Variants in SYNE1 observed in about 807,000 individuals in gnomAD.
The protein encoded by SYNE1 is nesprin-1.
Under a neutral mutation model 1,111.0 loss-of-function variants are expected in SYNE1, and 616 were observed. The ratio of observed to expected loss-of-function variants is 0.55; its 90% CI spans 0.52 to 0.59. SYNE1 has a LOEUF of 0.59. SYNE1 is among the 20% of genes least tolerant of loss of function. The probability of loss-of-function intolerance (pLI) is 0.00; values close to 1 mark genes in which losing one functional copy is unlikely to be tolerated. For missense variants in SYNE1, 10,006 were observed against 10,417.0 expected, an observed-to-expected ratio of 0.96 and a Z score of 1.72; for synonymous variants, 3,855 against 3,825.8, an observed-to-expected ratio of 1.01 and a Z score of -0.28.
At chr6:152,244,884 G>T (rs934108405) in intron 105 of SYNE1, among the ~76,000 whole-genome samples, 5 of 152,152 alleles carry the variant, frequency 3.3e-5, no homozygotes. Context: ...AGATAATGAG[G>T]CAGGAGAAAG....
chr6:152,197,658 C>T (rs2074446106), intron 127 of SYNE1, among the ~76,000 whole-genome samples: 1 of 152,030 alleles, frequency 6.6e-6, no homozygotes, highest in African/African-American at 2.4e-5. Flanking sequence ...TGAAAGAAAG[C>T]CTTTTTTTTC....
At position 152,417,496 on chromosome 6, in the gene SYNE1, TCAAACAAACAAA is replaced by T. The variant is rs541192012; in HGVS notation, c.5422-493_5422-482del. On this transcript the variant is annotated intron_variant, in intron 40 of 145. Coordinates refer to ENST00000367255, the MANE Select transcript of SYNE1 (RefSeq NM_182961.4). The stretch of plus-strand genomic sequence containing the variant: ...CTGGGAAACAGTGTAAAACTCCGTC[TCAAACAAACAAA>T]CAAACAAACAAACAAACACAACTCT... 1.7e-4 allele frequency among the ~76,000 whole-genome samples: 22 copies of T among 131,258 alleles called. No individual in the cohort carries two copies. In the Middle Eastern group the frequency reaches 0.011, roughly 66 times the overall value. The allele number at this position is 131,258 out of a possible 152,430, so 86.1% of individuals were successfully genotyped here.
intron 93 of SYNE1, among the ~76,000 whole-genome samples, chr6:152,299,844 C>A (rs1448258202): frequency 6.6e-6 from 1 of 152,036 alleles, no homozygotes; most frequent in Admixed American, 6.6e-5. Context: ...TACATATCAA[C>A]TTCTTTGAAA....
intron 14 of SYNE1, among the ~76,000 whole-genome samples, chr6:152,476,300 C>T (rs1483556494): frequency 6.6e-6 from 1 of 152,192 alleles, no homozygotes; most frequent in Non-Finnish European, 1.5e-5. Flanking sequence ...GTCTCCTATT[C>T]TTAATTGATA....
In SYNE1 at chr6:152,254,889, T is replaced by C. The variant is rs1231096189; in HGVS notation, c.19461A>G (p.Leu6487=). The C allele has an allele frequency of 5.0e-6, 8 of 1,613,532 alleles. No individual in the cohort carries two copies. The highest frequency in any genetic ancestry group is 6.8e-6 in the Non-Finnish European group (8 of 1,179,740). ...HQMKERLQQI[L]NFQNDLKVLF... ...ATAATATCTTACTTACCTGGAAATT[T>C]AGTATTTGCTGAAGTCTTTCTTTCA... The change falls in exon 104 of 146, where the codon CTA becomes CTG. Residue 6487 remains leucine (L), a synonymous_variant. Transcript: ENST00000367255.
chr6:152,407,254 C>T (rs2097914710), intron 44 of SYNE1, 58 bp from the exon 45 acceptor site: 1 of 1,527,888 alleles, frequency 6.5e-7, no homozygotes, highest in South Asian at 1.1e-5. Flanking sequence ...TGATCATCCC[C>T]CAACCAAAGT....
intron 3 of SYNE1, among the ~76,000 whole-genome samples, chr6:152,541,190 C>T (rs920224230): frequency 2.0e-5 from 3 of 152,248 alleles, no homozygotes; most frequent in African/African-American, 4.8e-5. Context: ...ACAGGAACAG[C>T]GTTGAATCTG....
At chr6:152,365,117 A>G (rs2097045563) in intron 62 of SYNE1, 98 bp from the exon 63 acceptor site, 1 of 1,491,402 alleles carries the variant, frequency 6.7e-7, no homozygotes, top group Non-Finnish European at 9.2e-7. Flanking sequence ...ATAATATGCA[A>G]TTGTGCCCAG....
chr6:152,453,529 G>T, intron 25 of SYNE1, 57 bp downstream of exon 25: 1 of 1,612,882 alleles, frequency 6.2e-7, no homozygotes. Flanking sequence ...ACCTTAACAC[G>T]CTCAAGCTTC....
Position 152,442,174 on chromosome 6 carries a change from T to A in SYNE1, c.3909A>T (p.Glu1303Asp), listed in dbSNP as rs759706426. 1 of 1,613,788 alleles carries A rather than the reference T, an allele frequency of 6.2e-7. No homozygotes were observed. Among genetic ancestry groups the A allele is most frequent in the Non-Finnish European group, 8.5e-7 (1 of 1,180,040 alleles). The change falls in exon 31 of 146, where the codon GAA (glutamate) becomes GAT (aspartate). Residue 1303 changes from glutamate to aspartate, a missense_variant. This residue lies in a region of SYNE1 where 1,971 missense variants were observed against 2,084.1 expected (regional missense o/e 0.95). Coordinates refer to ENST00000367255, the MANE Select transcript of SYNE1 (RefSeq NM_182961.4). ...CGTGGCCTCGGTCAGGCAGCCCCCC[T>A]TCTCCCTGCTGCGCCTGCGCGATCT... ...QQQIAQAQQG[E>D]GGLPDRGHEE...
At chr6:152,141,733 C>T (rs1189614143) in intron 138 of SYNE1, among the ~76,000 whole-genome samples, 6 of 151,528 alleles carry the variant, frequency 4.0e-5, no homozygotes, top group East Asian at 1.9e-4. Context: ...CCAGCCTATG[C>T]GACAGAGTGA....
intron 3 of SYNE1, among the ~76,000 whole-genome samples, chr6:152,560,443 G>GA (rs1564852418): frequency 1.3e-5 from 2 of 152,032 alleles, no homozygotes; most frequent in East Asian, 1.9e-4. Flanking sequence ...GAAGTAGTAA[G>GA]AAAAAATCTT....
intron 61 of SYNE1, chr6:152,368,664 A>C: frequency 3.2e-6 from 1 of 314,184 alleles, no homozygotes; most frequent in Non-Finnish European, 6.0e-6. Context: ...AGTCTTCCAA[A>C]TCAAAGCCCT....
intron 14 of SYNE1, 33 bp downstream of exon 14, chr6:152,483,052 T>TA: frequency 1.2e-6 from 2 of 1,613,976 alleles, no homozygotes; most frequent in Non-Finnish European, 8.5e-7. Context: ...GTAGGGCTGT[T>TA]ATGCTGCAAG....
Position 152,507,681 on chromosome 6 carries a change from A to T in SYNE1, c.582-2284T>A, listed in dbSNP as rs575323657. Reference sequence around the variant, plus strand: ...TGTATTTACTTCAAGCTGCTTTTAAATAACTACATATATGCATATATTTAT... The same window carrying T: ...TGTATTTACTTCAAGCTGCTTTTAATTAACTACATATATGCATATATTTAT... On this transcript the variant is annotated intron_variant, in intron 8 of 145. Transcript: ENST00000367255. Among the ~76,000 whole-genome samples, 12 of 152,312 alleles carry T rather than the reference A, an allele frequency of 7.9e-5. No homozygotes were observed. In the South Asian group the frequency reaches 2.5e-3, roughly 32 times the overall value.
chr6:152,544,543 TA>T (rs79123703), intron 3 of SYNE1, among the ~76,000 whole-genome samples: 483 of 137,586 alleles, frequency 3.5e-3, no homozygotes, highest in African/African-American at 5.7e-3. Context: ...AGAAATGAGT[TA>T]AAAAAAAAAA....
At chr6:152,351,783 C>A (rs1390011894) in intron 70 of SYNE1, among the ~76,000 whole-genome samples, 1 of 152,116 alleles carries the variant, frequency 6.6e-6, no homozygotes, top group Non-Finnish European at 1.5e-5. Flanking sequence ...CAGATACGTA[C>A]AATCAATAAA....
chr6:152,396,268 G>A (rs1481862226), intron 50 of SYNE1, among the ~76,000 whole-genome samples: 1 of 152,186 alleles, frequency 6.6e-6, no homozygotes, highest in Non-Finnish European at 1.5e-5. Flanking sequence ...GCAAGAGTCA[G>A]GCAAATTATT....
At chr6:152,311,154 C>G in intron 87 of SYNE1, 1 of 473,674 alleles carries the variant, frequency 2.1e-6, no homozygotes, top group Non-Finnish European at 3.9e-6. Flanking sequence ...CCAAGCTGCC[C>G]CCTCGTGAGA....
Sources: allele counts gnomAD v4.1 joint callset (sites outside exome capture counted in the v4.1 genomes callset), GRCh38; gene constraint gnomAD v4.1.1; regional missense constraint gnomAD v4.1.1; transcripts MANE v1.5; gene names NCBI Gene and HGNC (gene_info 2026-07-23, HGNC 2026-07-21).